RAB30: variants seen among roughly 807,000 people sequenced by gnomAD.
RAB30 encodes the protein ras-related protein Rab-30.
Under a neutral mutation model 25.1 loss-of-function variants are expected in RAB30, and 9 were observed. The observed-to-expected ratio is 0.36, with a 90% CI of 0.22 to 0.63. RAB30 has a LOEUF of 0.63. Among genes scored for constraint, RAB30 ranks in the 20% least tolerant of loss-of-function variants. The pLI, the probability that RAB30 is intolerant of heterozygous loss-of-function variation, is 0.69. For synonymous variants in RAB30, 77 were observed against 86.4 expected (o/e 0.89, Z 0.60); for missense variants, 140 against 243.5 (o/e 0.58, Z 2.83).
chr11:82,987,792 A>G lies in RAB30; in HGVS notation c.178-22T>C, dbSNP rs1027706932. The G allele has an allele frequency of 7.8e-6, 12 of 1,542,900 alleles. No individual in the cohort carries two copies. In the Admixed American group the frequency reaches 1.4e-4, roughly 18 times the overall value. On this transcript the variant is annotated intron_variant, in intron 3 of 4. Coordinates refer to ENST00000527633, the MANE Select transcript of RAB30 (RefSeq NM_001286060.2). ...GTAGCTGTAAAGGCATAAGATAAGA[A>G]TCAGGTGAAGAAGGATCAGGTTGGA...
chr11:83,036,697 G>A (rs2121514376), intron 1 of RAB30, among the ~76,000 whole-genome samples: 1 of 152,306 alleles, frequency 6.6e-6, no homozygotes, highest in Admixed American at 6.5e-5. Flanking sequence ...GGCCTCAGAG[G>A]ACTGATGGGA....
chr11:82,986,856 TAAC>T (rs1856747375), intron 4 of RAB30, among the ~76,000 whole-genome samples: 1 of 152,220 alleles, frequency 6.6e-6, no homozygotes, highest in African/African-American at 2.4e-5. Flanking sequence ...ATTTGTAACT[TAAC>T]AATGCTTCTA....
chr11:83,023,340 A>C (rs1857626454), intron 1 of RAB30, among the ~76,000 whole-genome samples: 1 of 152,232 alleles, frequency 6.6e-6, no homozygotes, highest in Non-Finnish European at 1.5e-5. Context: ...CATTTCACAT[A>C]GGATTTGCTT....
At chr11:82,996,264 G>T (rs530697130) in intron 2 of RAB30, among the ~76,000 whole-genome samples, 213 of 152,268 alleles carry the variant, frequency 1.4e-3, no homozygotes, top group Non-Finnish European at 2.0e-3. Flanking sequence ...GAGCTGGAAG[G>T]GGCCTTGGAG....
intron 1 of RAB30, among the ~76,000 whole-genome samples, chr11:83,048,389 T>C (rs1333367175): frequency 6.6e-6 from 1 of 151,648 alleles, no homozygotes; most frequent in East Asian, 1.9e-4. Context: ...GGAGAATCAC[T>C]TGAGCCCAGG....
At chr11:83,016,091 T>C (rs938113033) in intron 1 of RAB30, among the ~76,000 whole-genome samples, 1 of 152,152 alleles carries the variant, frequency 6.6e-6, no homozygotes, top group African/African-American at 2.4e-5. Context: ...TGAGCTCTGA[T>C]CATGCCACTG....
intron 1 of RAB30, among the ~76,000 whole-genome samples, chr11:83,052,754 A>G (rs562240035): frequency 1.8e-4 from 27 of 152,346 alleles, no homozygotes; most frequent in African/African-American, 6.3e-4. Flanking sequence ...CTGCAAAGAT[A>G]GAATCTGGAG....
At chr11:83,001,046 CAAAA>C (rs1181057652) in intron 1 of RAB30, among the ~76,000 whole-genome samples, 4 of 53,632 alleles carry the variant, frequency 7.5e-5, no homozygotes, top group Non-Finnish European at 9.8e-5. Flanking sequence ...GACTCCGTCT[CAAAA>C]AAAAAAAAAA....
At chr11:83,047,052 C>T (rs1052540390) in intron 1 of RAB30, among the ~76,000 whole-genome samples, 3 of 152,216 alleles carry the variant, frequency 2.0e-5, no homozygotes, top group African/African-American at 7.2e-5. Flanking sequence ...AAAGGCACAA[C>T]AGGAACTCAA....
intron 1 of RAB30, among the ~76,000 whole-genome samples, chr11:83,018,707 T>C (rs1212634370): frequency 2.0e-5 from 3 of 152,206 alleles, no homozygotes; most frequent in Non-Finnish European, 4.4e-5. Flanking sequence ...TTAGGTCCCA[T>C]CTATTTATTT....
Position 83,048,162 on chromosome 11 carries a change from C to T in RAB30, c.-9+23529G>A, listed in dbSNP as rs567675574. The stretch of plus-strand genomic sequence containing the variant: ...ATGGAGTCACAAATCTCACCTTCTC[C>T]CCAGGCACCCTGCTCTAGATATGCT... On this transcript the variant is annotated intron_variant, in intron 1 of 4. Coordinates refer to ENST00000527633, the MANE Select transcript of RAB30 (RefSeq NM_001286060.2). Among the ~76,000 whole-genome samples, 6 of 152,208 alleles carry T rather than the reference C, an allele frequency of 3.9e-5. No individual in the cohort carries two copies. The South Asian group carries it at 1.2e-3, about 32-fold the overall frequency.
chr11:83,043,950 T>C (rs1278139082), intron 1 of RAB30, among the ~76,000 whole-genome samples: 1 of 152,092 alleles, frequency 6.6e-6, no homozygotes, highest in East Asian at 1.9e-4. Flanking sequence ...GGTTATATTA[T>C]GATATAGTTA....
intron 1 of RAB30, among the ~76,000 whole-genome samples, chr11:83,053,258 G>A (rs1417673526): frequency 6.6e-6 from 1 of 152,182 alleles, no homozygotes; most frequent in Non-Finnish European, 1.5e-5. Context: ...TTGAGCCTCA[G>A]TTTTTGTACT....
Position 82,982,253 on chromosome 11 carries a change from C to T in RAB30, c.524G>A (p.Arg175Lys), listed in dbSNP as rs2121428517. The T allele has an allele frequency of 1.2e-6, 2 of 1,614,230 alleles. No individual in the cohort carries two copies. Among genetic ancestry groups the T allele is most frequent in the Non-Finnish European group, 1.7e-6 (2 of 1,180,040 alleles). ...TACATTGTTCACAAGTGTGTTCTGT[C>T]TGGCTTCACTGATGAGTCGGCATGC... ...DLACRLISEA[R>K]QNTLVNNVSS... is the part of the protein sequence containing the mutation. Residue 175 changes from arginine (R) to lysine (K), a missense_variant, in exon 5 of 5, where the codon AGA (arginine) becomes AAA (lysine). Arg to Lys is a conservative substitution (Grantham distance 26, BLOSUM62 2). Transcript: ENST00000527633.
chr11:83,055,810 G>A (rs945367243), intron 1 of RAB30, among the ~76,000 whole-genome samples: 8 of 152,206 alleles, frequency 5.3e-5, no homozygotes, highest in African/African-American at 1.9e-4. Context: ...ATCCTTTGGA[G>A]GATGCAGGAA....
intron 1 of RAB30, among the ~76,000 whole-genome samples, chr11:83,002,472 G>A (rs1292473301): frequency 1.3e-5 from 2 of 151,888 alleles, no homozygotes; most frequent in East Asian, 3.9e-4. Flanking sequence ...CACAATAGTT[G>A]TAAATAAGTG....
At chr11:82,993,412 A>G (rs1213057014) in intron 3 of RAB30, among the ~76,000 whole-genome samples, 2 of 152,216 alleles carry the variant, frequency 1.3e-5, no homozygotes, top group African/African-American at 2.4e-5. Flanking sequence ...TAAACTAAAT[A>G]TAACATATGT....
chr11:82,999,419 G>C (rs1490974045), intron 1 of RAB30, among the ~76,000 whole-genome samples: 2 of 152,180 alleles, frequency 1.3e-5, no homozygotes, highest in African/African-American at 4.8e-5. Flanking sequence ...CAAAGCCTCA[G>C]CTTCCCCATC....
chr11:83,039,702 T>C (rs1858063460), intron 1 of RAB30, among the ~76,000 whole-genome samples: 1 of 151,974 alleles, frequency 6.6e-6, no homozygotes, highest in Non-Finnish European at 1.5e-5. Context: ...AGGAGAGCTC[T>C]GAGCAGTAGG....
Sources: gnomAD v4.1 joint callset for allele counts (sites outside exome capture counted in the v4.1 genomes callset) on GRCh38, gnomAD v4.1.1 for gene constraint, MANE v1.5 for transcripts, NCBI Gene and HGNC (gene_info 2026-07-23, HGNC 2026-07-21) for gene names.